BTRC: variants seen among roughly 807,000 people sequenced by gnomAD.
BTRC encodes the protein F-box/WD repeat-containing protein 1A.
BTRC carries 42 observed loss-of-function variants against 85.5 expected under a neutral mutation model. The ratio of observed to expected loss-of-function variants is 0.49; its 90% confidence interval spans 0.38 to 0.64. The LOEUF (loss-of-function observed/expected upper bound fraction) is 0.64, where lower values mean the gene tolerates loss of function less well. Among genes scored for constraint, BTRC ranks in the 30% least tolerant of loss-of-function variants. The pLI is 0.00. For missense variants in BTRC, 594 were observed against 743.5 expected, an observed-to-expected ratio of 0.80 and a Z score of 2.34; for synonymous variants, 255 against 263.3, an observed-to-expected ratio of 0.97 and a Z score of 0.30.
chr10:101,448,231 A>G (rs1237337799), intron 2 of BTRC, among the ~76,000 whole-genome samples: 2 of 152,154 alleles, frequency 1.3e-5, no homozygotes, highest in Admixed American at 6.5e-5. Context: ...TTGCATTGCT[A>G]TAGAAAAAGG....
intron 1 of BTRC, among the ~76,000 whole-genome samples, chr10:101,370,604 C>T (rs1318075311): frequency 6.6e-6 from 1 of 151,698 alleles, no homozygotes; most frequent in Non-Finnish European, 1.5e-5. Context: ...CATACAGATC[C>T]TTCCCTCCCT....
chr10:101,400,046 A>G (rs1175914887), intron 1 of BTRC, among the ~76,000 whole-genome samples: 2 of 152,236 alleles, frequency 1.3e-5, no homozygotes, highest in African/African-American at 4.8e-5. Flanking sequence ...CAAATAGCCA[A>G]TAACCTATTC....
intron 1 of BTRC, among the ~76,000 whole-genome samples, chr10:101,410,860 TG>T (rs987385782): frequency 6.6e-6 from 1 of 152,202 alleles, no homozygotes; most frequent in African/African-American, 2.4e-5. Context: ...CTATCCTTTG[TG>T]TTATTATTGT....
intron 1 of BTRC, among the ~76,000 whole-genome samples, chr10:101,358,605 T>C (rs1383260906): frequency 1.3e-5 from 2 of 152,236 alleles, no homozygotes; most frequent in African/African-American, 4.8e-5. Flanking sequence ...CAATTATTTT[T>C]CCCCTCAAAT....
At chr10:101,363,188 C>T (rs556941768) in intron 1 of BTRC, among the ~76,000 whole-genome samples, 1 of 152,284 alleles carries the variant, frequency 6.6e-6, no homozygotes, top group African/African-American at 2.4e-5. Flanking sequence ...TTATTATTAT[C>T]CCCATTTCTC....
At chr10:101,497,856 C>T (rs764868647) in intron 4 of BTRC, among the ~76,000 whole-genome samples, 26 of 151,396 alleles carry the variant, frequency 1.7e-4, no homozygotes, top group Admixed American at 7.2e-4. Flanking sequence ...CCCATCTCTA[C>T]GAAAAACACA....
intron 1 of BTRC, among the ~76,000 whole-genome samples, chr10:101,389,245 C>T (rs1405476256): frequency 4.7e-5 from 7 of 147,534 alleles, no homozygotes; most frequent in Admixed American, 6.9e-5. Context: ...TTTCTTATGC[C>T]GATATGCAAT....
At chr10:101,506,383 C>G (rs1334105569) in intron 4 of BTRC, among the ~76,000 whole-genome samples, 1 of 152,192 alleles carries the variant, frequency 6.6e-6, no homozygotes, top group Non-Finnish European at 1.5e-5. Flanking sequence ...CTGCCTTTCT[C>G]TGTCCTCCCA....
At chr10:101,538,162 T>C in intron 12 of BTRC, 131 bp from the exon 13 acceptor site, 1 of 757,068 alleles carries the variant, frequency 1.3e-6, no homozygotes, top group Non-Finnish European at 2.3e-6. Context: ...TGTTTCTCAT[T>C]TGTAGGTTAA....
Position 101,511,380 on chromosome 10 carries a change from AGTTAAAGTAG to A in BTRC, c.325-10257_325-10248del, listed in dbSNP as rs1358539474. Among the ~76,000 whole-genome samples the A allele has an allele frequency of 3.9e-5, 6 of 152,234 alleles. No homozygotes were observed. In the South Asian group the frequency reaches 1.2e-3, roughly 32 times the overall value. On this transcript the variant is annotated intron_variant, in intron 4 of 14. Transcript: ENST00000370187. ...TTTAGAGGCATTTCTTGACCACTCCAGTTAAAGTAGGCTGCACTCTTTACTTCTTTTCTTT... is the reference window on the plus strand; with the variant it reads ...TTTAGAGGCATTTCTTGACCACTCCAGCTGCACTCTTTACTTCTTTTCTTT...
At chr10:101,508,913 T>TAA (rs59998718) in intron 4 of BTRC, among the ~76,000 whole-genome samples, 36 of 101,928 alleles carry the variant, frequency 3.5e-4, no homozygotes, top group African/African-American at 1.0e-3. Flanking sequence ...GACTCCATCT[T>TAA]AAAAAAAAAA....
chr10:101,405,690 A>G (rs1564751119), intron 1 of BTRC, among the ~76,000 whole-genome samples: 1 of 151,984 alleles, frequency 6.6e-6, no homozygotes, highest in African/African-American at 2.4e-5. Flanking sequence ...TGTTCTGTCC[A>G]TTTCTTAGTG....
chr10:101,367,361 T>C (rs969659772), intron 1 of BTRC, among the ~76,000 whole-genome samples: 15 of 152,042 alleles, frequency 9.9e-5, no homozygotes, highest in Non-Finnish European at 2.1e-4. Context: ...AGCCACTCAC[T>C]GCGCCTGGCC....
At chr10:101,425,215 G>A (rs1307034636) in intron 1 of BTRC, among the ~76,000 whole-genome samples, 1 of 152,068 alleles carries the variant, frequency 6.6e-6, no homozygotes, top group African/African-American at 2.4e-5. Context: ...GGGTACCTGG[G>A]TTGATTCTGT....
chr10:101,428,500 T>C (rs931074104), intron 1 of BTRC, among the ~76,000 whole-genome samples: 2 of 152,226 alleles, frequency 1.3e-5, no homozygotes, highest in Admixed American at 6.5e-5. Context: ...TTTAGCTGTT[T>C]TGCTTGGTAT....
chr10:101,389,487 A>G (rs1211559994), intron 1 of BTRC, among the ~76,000 whole-genome samples: 1 of 152,078 alleles, frequency 6.6e-6, no homozygotes, highest in South Asian at 2.1e-4. Flanking sequence ...AAAGCTATGC[A>G]TGGTAAACTT....
upstream of BTRC, chr10:101,354,069 A>C: frequency 7.8e-7 from 1 of 1,285,498 alleles, no homozygotes; most frequent in Non-Finnish European, 1.1e-6. Flanking sequence ...CCTGAGAGGT[A>C]AGAGAGGGCG....
At chr10:101,401,479 G>C (rs1467978890) in intron 1 of BTRC, among the ~76,000 whole-genome samples, 2 of 152,102 alleles carry the variant, frequency 1.3e-5, no homozygotes, top group African/African-American at 4.8e-5. Flanking sequence ...TTTTGGTATA[G>C]AAAACATGTA....
At chr10:101,493,918 G>A (rs1946198517) in intron 4 of BTRC, among the ~76,000 whole-genome samples, 1 of 152,188 alleles carries the variant, frequency 6.6e-6, no homozygotes, top group Non-Finnish European at 1.5e-5. Flanking sequence ...AGAGAGTGAA[G>A]TGGAGAAACC....
Sources: allele counts gnomAD v4.1 joint callset (sites outside exome capture counted in the v4.1 genomes callset), GRCh38; gene constraint gnomAD v4.1.1; transcripts MANE v1.5; gene names NCBI Gene and HGNC (gene_info 2026-07-23, HGNC 2026-07-21).